Variants in BBS9 observed in about 807,000 individuals in gnomAD.
The protein encoded by BBS9 is Bardet-Biedl syndrome 9.
BBS9 carries 89 observed loss-of-function variants against 117.7 expected under a neutral mutation model. The ratio of observed to expected loss-of-function variants is 0.76; its 90% CI spans 0.64 to 0.90. BBS9 has a LOEUF of 0.90. Ranked by LOEUF, BBS9 falls within the 40% of genes least tolerant of loss-of-function variation. The pLI, the probability that BBS9 is intolerant of heterozygous loss-of-function variation, is 0.00. For missense variants in BBS9, 982 were observed against 1,042.2 expected (o/e 0.94, Z 0.80); for synonymous variants, 379 against 370.9 (o/e 1.02, Z -0.25).
rs1788261088 is a variant in BBS9, at chr7:33,212,762, A to ACT, written c.442+35171_442+35172insCT. 2.0e-5 allele frequency among the ~76,000 whole-genome samples: 3 copies of ACT among 152,210 alleles called. No homozygotes were observed. In the South Asian group the frequency reaches 6.2e-4, roughly 32 times the overall value. ...ATCGCTGTGGTTTCTGCAGGCTGGT[A>ACT]GAGGTACGGCCTTGGTAGCCTTCGA... On this transcript the variant is annotated intron_variant, in intron 5 of 22. Transcript: ENST00000242067.
intron 9 of BBS9, among the ~76,000 whole-genome samples, chr7:33,287,409 T>A (rs1283311383): frequency 1.3e-5 from 2 of 152,214 alleles, no homozygotes; most frequent in Non-Finnish European, 2.9e-5. Flanking sequence ...ATAACGGTAT[T>A]AATTGAAATT....
chr7:33,364,035 G>T (rs1357391208), intron 16 of BBS9, among the ~76,000 whole-genome samples: 1 of 42,474 alleles, frequency 2.4e-5, no homozygotes, highest in Non-Finnish European at 4.9e-5. Context: ...TGCAAGCTCC[G>T]CCTCCCGGGT....
Position 33,593,923 on chromosome 7 carries a change from T to C in BBS9, c.2522-10942T>C, listed in dbSNP as rs144924422. On this transcript the variant is annotated intron_variant, in intron 21 of 22. Transcript: ENST00000242067. ...TTGTGTTTACATAATTATCAATGGA[T>C]GAAAATGGCTATGTTTCTGTAATTT... 4.1e-4 allele frequency among the ~76,000 whole-genome samples: 62 copies of C among 152,306 alleles called. 1 individual carries two copies. In the East Asian group the frequency reaches 0.011, roughly 26 times the overall value.
rs189650737 is a variant in BBS9 at position 33,605,317 on chromosome 7, G to A, written c.*91G>A. Reference sequence around the variant, plus strand: ...TGCCAAGCACAGATATAGGGCTGGCGCAGGTGCTTCCTAAAGCTCACCTTC... The same window carrying A: ...TGCCAAGCACAGATATAGGGCTGGCACAGGTGCTTCCTAAAGCTCACCTTC... On this transcript the variant is annotated 3_prime_UTR_variant, in exon 23 of 23. Coordinates refer to ENST00000242067, the MANE Select transcript of BBS9 (RefSeq NM_198428.3). The A allele has an allele frequency of 1.1e-4, 156 of 1,374,398 alleles. No homozygotes were observed. In the East Asian group the frequency reaches 2.4e-3, roughly 21 times the overall value. 85.1% of individuals were successfully genotyped at this position (1,374,398 alleles called of 1,614,324 possible). A position where few individuals can be genotyped will look rare whatever the true frequency, so the allele number is the denominator to read the frequency against.
intron 21 of BBS9, among the ~76,000 whole-genome samples, chr7:33,567,297 G>T (rs1162722371): frequency 2.0e-5 from 3 of 152,142 alleles, no homozygotes; most frequent in African/African-American, 4.8e-5. Flanking sequence ...CTTTAAATGT[G>T]CATATTCCAT....
chr7:33,590,735 A>C (rs1861766815), intron 21 of BBS9, among the ~76,000 whole-genome samples: 1 of 152,004 alleles, frequency 6.6e-6, no homozygotes, highest in Non-Finnish European at 1.5e-5. Context: ...CACCATTTGA[A>C]GCGCTTTACA....
intron 5 of BBS9, among the ~76,000 whole-genome samples, chr7:33,180,841 T>A (rs552019828): frequency 1.1e-4 from 16 of 152,240 alleles, no homozygotes; most frequent in East Asian, 5.8e-4. Flanking sequence ...GGGATCCACC[T>A]GGTGTGACAA....
rs114763214 is a variant in BBS9 at position 33,236,884 on chromosome 7, T to C, written c.443-20352T>C. Among the ~76,000 whole-genome samples the C allele has an allele frequency of 2.1e-3, 319 of 152,252 alleles. 1 individual carries two copies. The highest frequency in any genetic ancestry group is 7.3e-3 in the African/African-American group (303 of 41,578). On this transcript the variant is annotated intron_variant, in intron 5 of 22. Coordinates refer to ENST00000242067, the MANE Select transcript of BBS9 (RefSeq NM_198428.3). ...AGATCATTAAAACTTACTCCTCCAG[T>C]CTAATTGAAACTTTGTACCCTTTTA...
chr7:33,200,331 C>T (rs1200219258), intron 5 of BBS9, among the ~76,000 whole-genome samples: 1 of 152,140 alleles, frequency 6.6e-6, no homozygotes, highest in Non-Finnish European at 1.5e-5. Flanking sequence ...AGTCTCTCAA[C>T]CTCTATCCGC....
intron 21 of BBS9, among the ~76,000 whole-genome samples, chr7:33,595,809 G>A (rs1378127402): frequency 3.9e-5 from 6 of 151,982 alleles, no homozygotes; most frequent in Non-Finnish European, 5.9e-5. Flanking sequence ...AAGAAAATGT[G>A]GTATGTATAC....
intron 20 of BBS9, among the ~76,000 whole-genome samples, chr7:33,527,153 C>T (rs2129050608): frequency 6.6e-6 from 1 of 152,156 alleles, no homozygotes; most frequent in Admixed American, 6.5e-5. Context: ...CTCTTCAAAG[C>T]TGTCAGACAG....
At chr7:33,275,138 A>G (rs893296697) in intron 9 of BBS9, among the ~76,000 whole-genome samples, 69 of 152,060 alleles carry the variant, frequency 4.5e-4, no homozygotes, top group Non-Finnish European at 3.8e-4. Context: ...TCATATTTGC[A>G]TCAGTGTTTT....
At chr7:33,377,010 G>C (rs1044053862) in intron 17 of BBS9, among the ~76,000 whole-genome samples, 1 of 151,984 alleles carries the variant, frequency 6.6e-6, no homozygotes, top group African/African-American at 2.4e-5. Context: ...TGTATACTCT[G>C]TTGATAGTTT....
chr7:33,567,002 C>A (rs1481928126), intron 21 of BBS9, among the ~76,000 whole-genome samples: 2 of 151,980 alleles, frequency 1.3e-5, no homozygotes, highest in Non-Finnish European at 2.9e-5. Flanking sequence ...GGTAATGAGA[C>A]CAATAAAAGG....
At chr7:33,521,668 G>A (rs914513525) in intron 20 of BBS9, among the ~76,000 whole-genome samples, 3 of 151,652 alleles carry the variant, frequency 2.0e-5, no homozygotes, top group Non-Finnish European at 4.4e-5. Context: ...ACTTAAGATG[G>A]CATATAGACC....
chr7:33,139,453 G>A (rs1791101681), intron 1 of BBS9, among the ~76,000 whole-genome samples: 1 of 150,090 alleles, frequency 6.7e-6, no homozygotes, highest in African/African-American at 2.4e-5. Context: ...ATTCTAGCAA[G>A]CTGAAAAAAT....
At chr7:33,348,074 T>G (rs2128657864) in intron 12 of BBS9, among the ~76,000 whole-genome samples, 1 of 152,230 alleles carries the variant, frequency 6.6e-6, no homozygotes, top group South Asian at 2.1e-4. Context: ...TTTACAGAAT[T>G]TTGCAACTAT....
chr7:33,189,723 T>A (rs2128188586), intron 5 of BBS9, among the ~76,000 whole-genome samples: 1 of 151,204 alleles, frequency 6.6e-6, no homozygotes, highest in South Asian at 2.1e-4. Flanking sequence ...CCGCCTCTAC[T>A]AAAAATACAA....
At chr7:33,460,493 A>G (rs1839306002) in intron 19 of BBS9, among the ~76,000 whole-genome samples, 1 of 152,074 alleles carries the variant, frequency 6.6e-6, no homozygotes, top group African/African-American at 2.4e-5. Flanking sequence ...TTTTTTATGT[A>G]CTGAAAAACT....
Sources: gnomAD v4.1 joint callset for allele counts (sites outside exome capture counted in the v4.1 genomes callset) on GRCh38, gnomAD v4.1.1 for gene constraint, MANE v1.5 for transcripts, NCBI Gene and HGNC (gene_info 2026-07-23, HGNC 2026-07-21) for gene names.